The following LHFPL4 variants were observed in gnomAD, a reference collection of about 807,000 sequenced individuals.
LHFPL4 encodes LHFPL tetraspan subfamily member 4.
In LHFPL4, 6 loss-of-function variants were observed where a neutral mutation model predicts 20.0. The observed-to-expected ratio is 0.30, with a 90% CI of 0.16 to 0.59. The LOEUF (loss-of-function observed/expected upper bound fraction) is 0.59, where lower values mean the gene tolerates loss of function less well. Among genes scored for constraint, LHFPL4 ranks in the 20% least tolerant of loss-of-function variants. The pLI is 0.88. For missense variants in LHFPL4, 215 were observed against 331.2 expected (o/e 0.65, Z 2.72); for synonymous variants, 129 against 143.8 (o/e 0.90, Z 0.74).
rs1559523021 is a variant in LHFPL4 at position 9,542,291 on chromosome 3, GA to G, written c.406+9982del. ...CCAGAGCGAGACTCTGTCTCAAAAA[GA>G]AAAAAAAGAAATTTGTATACAAATG... is the stretch of plus-strand genomic sequence containing the variant. On this transcript the variant is annotated intron_variant, in intron 2 of 3. Coordinates refer to ENST00000287585, the MANE Select transcript of LHFPL4 (RefSeq NM_198560.3). 6.6e-5 allele frequency among the ~76,000 whole-genome samples: 10 copies of G among 150,970 alleles called. No individual in the cohort carries two copies. The South Asian group carries it at 1.7e-3, about 25-fold the overall frequency.
chr3:9,502,430 G>A lies in LHFPL4; in HGVS notation c.644-119C>T, dbSNP rs185497525. On this transcript the variant is annotated intron_variant, in intron 3 of 3. Transcript: ENST00000287585. Reference sequence around the variant, plus strand: ...ACAAGTGGGCAGAGGGGCCGGGCGCGGTGGCTGACGCCTGTAATCCCAGCA... The same window carrying A: ...ACAAGTGGGCAGAGGGGCCGGGCGCAGTGGCTGACGCCTGTAATCCCAGCA... 82 of 726,570 alleles carry A rather than the reference G, an allele frequency of 1.1e-4. No individual in the cohort carries two copies. In the African/African-American group the frequency reaches 1.3e-3, roughly 11 times the overall value. The allele number at this position is 726,570 out of a possible 1,614,324, so 45.0% of individuals were successfully genotyped here.
intron 2 of LHFPL4, among the ~76,000 whole-genome samples, chr3:9,507,317 G>A (rs1207258184): frequency 2.0e-5 from 3 of 152,140 alleles, no homozygotes; most frequent in African/African-American, 7.2e-5. Context: ...ATAGCAAAGC[G>A]ATTAAGAAGG....
intron 2 of LHFPL4, among the ~76,000 whole-genome samples, chr3:9,524,811 T>A (rs1411506640): frequency 6.6e-6 from 1 of 152,208 alleles, no homozygotes; most frequent in Non-Finnish European, 1.5e-5. Context: ...CCCTTGTAAT[T>A]TTTTTCTTGA....
At chr3:9,549,692 C>T (rs1000714412) in intron 2 of LHFPL4, among the ~76,000 whole-genome samples, 8 of 152,040 alleles carry the variant, frequency 5.3e-5, no homozygotes, top group East Asian at 3.9e-4. Context: ...AGTGAAACTC[C>T]GTCTCAAAAT....
Position 9,502,160 on chromosome 3 carries a change from A to G in LHFPL4, c.*51T>C. ...TTGAATGGAGTGACGAGAGGGCAGAAGGCAGGACAAGCTGAGGTCAGGCCA... is the reference window on the plus strand; with the variant it reads ...TTGAATGGAGTGACGAGAGGGCAGAGGGCAGGACAAGCTGAGGTCAGGCCA... On this transcript the variant is annotated 3_prime_UTR_variant, in exon 4 of 4. Transcript: ENST00000287585. 1 of 1,311,682 alleles carries G rather than the reference A, an allele frequency of 7.6e-7. No individual in the cohort carries two copies. The highest frequency in any genetic ancestry group is 1.1e-6 in the Non-Finnish European group (1 of 905,890). The allele number at this position is 1,311,682 out of a possible 1,614,324, so 81.3% of individuals were successfully genotyped here.
chr3:9,502,863 G>T (rs2046187168), intron 3 of LHFPL4, among the ~76,000 whole-genome samples: 1 of 152,128 alleles, frequency 6.6e-6, no homozygotes, highest in Admixed American at 6.6e-5. Context: ...ACCTCACAGG[G>T]TAATTCCGAA....
intron 2 of LHFPL4, among the ~76,000 whole-genome samples, chr3:9,517,853 A>T (rs76336857): frequency 0.045 from 6,175 of 137,866 alleles, 178 homozygotes; most frequent in Non-Finnish European, 0.063. Context: ...TACATAGATG[A>T]TCATATCATC....
At chr3:9,512,208 G>A (rs138399101) in intron 2 of LHFPL4, among the ~76,000 whole-genome samples, 1 of 152,192 alleles carries the variant, frequency 6.6e-6, no homozygotes, top group Non-Finnish European at 1.5e-5. Flanking sequence ...TGGGATTACA[G>A]GCGTGAGCCA....
rs1282614957 is a variant in LHFPL4 at position 9,552,708 on chromosome 3, G to A, written c.-29C>T. On this transcript the variant is annotated 5_prime_UTR_variant, in exon 2 of 4. Transcript: ENST00000287585. ...GCCCGGAGGCGGGGCCGGCGGCGGC[G>A]GCGGCTGGCGGGGGCCGCCGGCCCG... The A allele has an allele frequency of 7.8e-7, 1 of 1,277,882 alleles. No homozygotes were observed. The highest frequency in any genetic ancestry group is 1.6e-5 in the African/African-American group (1 of 64,432). The allele number at this position is 1,277,882 out of a possible 1,614,324, so 79.2% of individuals were successfully genotyped here. A position where few individuals can be genotyped will look rare whatever the true frequency, so the allele number is the denominator to read the frequency against.
intron 2 of LHFPL4, among the ~76,000 whole-genome samples, chr3:9,521,096 C>T (rs530570940): frequency 4.6e-5 from 7 of 152,210 alleles, no homozygotes; most frequent in South Asian, 2.1e-4. Context: ...TTGTTAGGCA[C>T]GTGCATGTTA....
chr3:9,545,095 G>A (rs191758119), intron 2 of LHFPL4, among the ~76,000 whole-genome samples: 16 of 152,060 alleles, frequency 1.1e-4, no homozygotes, highest in African/African-American at 3.4e-4. Flanking sequence ...GTTGATGTGA[G>A]AAACACAAGA....
At position 9,518,201 on chromosome 3, in the gene LHFPL4, C is replaced by T. The variant is rs192307982; in HGVS notation, c.407-11998G>A. On this transcript the variant is annotated intron_variant, in intron 2 of 3. Transcript: ENST00000287585. The stretch of plus-strand genomic sequence containing the variant: ...TCCTTCCTTAGTCTGTTTATGTGAT[C>T]GATTACATTAATTGTTTTTTAATGC... Among the ~76,000 whole-genome samples the T allele has an allele frequency of 4.5e-4, 68 of 152,046 alleles. 1 individual carries two copies. Among genetic ancestry groups the T allele is most frequent in the African/African-American group, 1.5e-3 (61 of 41,492 alleles).
chr3:9,528,170 G>A (rs2046386858), intron 2 of LHFPL4, among the ~76,000 whole-genome samples: 1 of 152,156 alleles, frequency 6.6e-6, no homozygotes, highest in Admixed American at 6.5e-5. Flanking sequence ...TTTCACAAAA[G>A]TTTACTCAGT....
At chr3:9,509,045 T>C (rs1559514937) in intron 2 of LHFPL4, among the ~76,000 whole-genome samples, 1 of 152,198 alleles carries the variant, frequency 6.6e-6, no homozygotes, top group Non-Finnish European at 1.5e-5. Flanking sequence ...AAACCGGGCC[T>C]GCATCCCGGC....
chr3:9,516,212 AGTTTCACAG>A (rs1242876274), intron 2 of LHFPL4, among the ~76,000 whole-genome samples: 1 of 152,088 alleles, frequency 6.6e-6, no homozygotes, highest in Non-Finnish European at 1.5e-5. Flanking sequence ...ATTTTCTATG[AGTTTCACAG>A]GTTTCACATT....
Position 9,499,629 on chromosome 3 carries a change from C to CT in LHFPL4, c.*2581dup, listed in dbSNP as rs2046156483. 1 of 152,622 alleles carries CT rather than the reference C, an allele frequency of 6.6e-6. No individual in the cohort carries two copies. Among genetic ancestry groups the CT allele is most frequent in the Non-Finnish European group, 1.5e-5 (1 of 68,376 alleles). The allele number at this position is 152,622 out of a possible 1,614,324, so 9.5% of individuals were successfully genotyped here. The stretch of plus-strand genomic sequence containing the variant: ...CCACTACGTCCTCTGAAGTGGCTTC[C>CT]TTCACTCCAGTTCTTCCCAAAAGGA... On this transcript the variant is annotated 3_prime_UTR_variant, in exon 4 of 4. Coordinates refer to ENST00000287585, the MANE Select transcript of LHFPL4 (RefSeq NM_198560.3).
chr3:9,514,974 G>C (rs939435563), intron 2 of LHFPL4, among the ~76,000 whole-genome samples: 1 of 152,194 alleles, frequency 6.6e-6, no homozygotes, highest in African/African-American at 2.4e-5. Context: ...TCTATGTGGA[G>C]GTTTTGGTGT....
At chr3:9,512,457 CA>C (rs2046267533) in intron 2 of LHFPL4, among the ~76,000 whole-genome samples, 2 of 152,118 alleles carry the variant, frequency 1.3e-5, no homozygotes, top group South Asian at 2.1e-4. Flanking sequence ...TCTAGATATT[CA>C]AAAAATGTTA....
chr3:9,506,223 G>C lies in LHFPL4; in HGVS notation c.407-20C>G. ...ACAGAGCTGAGGGGCAGAGCACCGG[G>C]CCCACCACCACGGTCAGGAAGGAAG... On this transcript the variant is annotated intron_variant, in intron 2 of 3. Coordinates refer to ENST00000287585, the MANE Select transcript of LHFPL4 (RefSeq NM_198560.3). This position sits in a 1 kb window ranked among gnomAD's most constrained non-coding sequence, Gnocchi z 4.5. 1 of 1,580,734 alleles carries C rather than the reference G, an allele frequency of 6.3e-7. No homozygotes were observed. Among genetic ancestry groups the C allele is most frequent in the Non-Finnish European group, 8.7e-7 (1 of 1,149,760 alleles).
Sources: allele counts gnomAD v4.1 joint callset (sites outside exome capture counted in the v4.1 genomes callset), GRCh38; gene constraint gnomAD v4.1.1; non-coding constraint Gnocchi (gnomAD v3.1); transcripts MANE v1.5; gene names NCBI Gene and HGNC (gene_info 2026-07-23, HGNC 2026-07-21).